The following CLN6 variants were observed in gnomAD, a reference collection of about 807,000 sequenced individuals.
CLN6 encodes the protein CLN6 transmembrane ER protein.
In CLN6, 22 loss-of-function variants were observed where a neutral mutation model predicts 33.3. The ratio of observed to expected loss-of-function variants is 0.66; its 90% CI spans 0.47 to 0.94. The LOEUF (loss-of-function observed/expected upper bound fraction) is 0.94. Among genes scored for constraint, CLN6 ranks in the 40% least tolerant of loss-of-function variants. The probability of loss-of-function intolerance (pLI) is 0.00; values close to 1 mark genes in which losing one functional copy is unlikely to be tolerated. For missense variants in CLN6, 387 were observed against 417.1 expected, an observed-to-expected ratio of 0.93 and a Z score of 0.63; for synonymous variants, 201 against 174.6, an observed-to-expected ratio of 1.15 and a Z score of -1.19.
upstream of CLN6, among the ~76,000 whole-genome samples, chr15:68,231,229 G>A (rs566163849): frequency 4.6e-5 from 7 of 152,060 alleles, no homozygotes; most frequent in African/African-American, 1.7e-4. Flanking sequence ...CCCATCCTGG[G>A]CTCTAGCAGC....
rs1392629546 is a variant in CLN6 at position 68,247,418 on chromosome 15, AAAAC to A, written c.179+9268_179+9271del. On this transcript the variant is annotated intron_variant, in intron 1 of 6. Coordinates refer to the CLN6 transcript ENST00000538696. The surrounding 1 kb of genome is among the most constrained non-coding windows in gnomAD (Gnocchi z 4.2). ...GGCAATCCCATTTATAATAGCTGCA[AAAAC>A]AAACAAACAACAACAACAACAACAA... is the stretch of plus-strand genomic sequence containing the variant. 9.2e-5 allele frequency among the ~76,000 whole-genome samples: 14 copies of A among 152,268 alleles called. 1 individual carries two copies. In the South Asian group the frequency reaches 1.5e-3, roughly 16 times the overall value.
Position 68,211,148 on chromosome 15 carries a change from C to G in CLN6, c.542+115G>C. ...CACAGTGCCTTTACAGGGGATGAGA[C>G]TCAACACATGGAGACCCGCAGCCCA... On this transcript the variant is annotated intron_variant, in intron 5 of 6. Coordinates refer to ENST00000249806, the MANE Select transcript of CLN6 (RefSeq NM_017882.3). This position sits in a 1 kb window ranked among gnomAD's most constrained non-coding sequence, Gnocchi z 5.9. The G allele has an allele frequency of 1.1e-6, 1 of 908,416 alleles. No homozygotes were observed. The highest frequency in any genetic ancestry group is 1.9e-6 in the Non-Finnish European group (1 of 538,400). 56.3% of individuals were successfully genotyped at this position (908,416 alleles called of 1,614,324 possible). A position where few individuals can be genotyped will look rare whatever the true frequency, so the allele number is the denominator to read the frequency against.
Position 68,207,971 on chromosome 15 carries a change from A to G in CLN6, c.*169T>C, listed in dbSNP as rs2093192219. The G allele has an allele frequency of 5.1e-6, 3 of 583,242 alleles. No homozygotes were observed. In the African/African-American group the frequency reaches 7.5e-5, roughly 15 times the overall value. 36.1% of individuals were successfully genotyped at this position (583,242 alleles called of 1,614,324 possible). A position where few individuals can be genotyped will look rare whatever the true frequency, so the allele number is the denominator to read the frequency against. On this transcript the variant is annotated 3_prime_UTR_variant, in exon 7 of 7. Coordinates refer to ENST00000249806, the MANE Select transcript of CLN6 (RefSeq NM_017882.3). ...TGAAAATGATGCACTCTGCGCACAC[A>G]TATACAAGACACACACACACACACA...
chr15:68,230,199 CGT>C (rs2093266005), upstream of CLN6, among the ~76,000 whole-genome samples: 2 of 151,964 alleles, frequency 1.3e-5, no homozygotes, highest in South Asian at 4.2e-4. This position sits in a 1 kb window ranked among gnomAD's most constrained non-coding sequence, Gnocchi z 4.0. Flanking sequence ...CATCTAGAGT[CGT>C]GTGAGAGGTA....
intron 1 of CLN6, among the ~76,000 whole-genome samples, chr15:68,237,839 T>C (rs1392207676): frequency 6.6e-6 from 1 of 152,148 alleles, no homozygotes; most frequent in Non-Finnish European, 1.5e-5. Context: ...AAGAAGTGCC[T>C]CACAGCCTGG....
intron 2 of CLN6, chr15:68,218,030 C>T (rs951241677): frequency 6.1e-6 from 1 of 164,590 alleles, no homozygotes; most frequent in African/African-American, 2.4e-5. Context: ...CCTTGGAAGG[C>T]AGGGGATGGT....
intron 1 of CLN6, among the ~76,000 whole-genome samples, chr15:68,226,411 A>C (rs955857046): frequency 1.3e-5 from 2 of 152,054 alleles, no homozygotes; most frequent in African/African-American, 4.8e-5. Flanking sequence ...AAGTCACTTA[A>C]CTTCTTGGGC....
chr15:68,215,188 TTC>T (rs761312467), intron 2 of CLN6: 1 of 152,286 alleles, frequency 6.6e-6, no homozygotes, highest in Non-Finnish European at 1.5e-5. Context: ...ATTTAGATGG[TTC>T]TCTCTTTTAA....
chr15:68,217,718 CGTCAGGCAACT>C (rs889183534), intron 2 of CLN6, among the ~76,000 whole-genome samples: 2 of 152,088 alleles, frequency 1.3e-5, no homozygotes, highest in Non-Finnish European at 2.9e-5. Context: ...GACTGTGGCC[CGTCAGGCAACT>C]GTCAGCAAGT....
At chr15:68,233,597 A>G (rs943450716), upstream of CLN6, among the ~76,000 whole-genome samples, 15 of 152,124 alleles carry the variant, frequency 9.9e-5, no homozygotes, top group Non-Finnish European at 1.5e-4. This position sits in a 1 kb window ranked among gnomAD's most constrained non-coding sequence, Gnocchi z 4.3. Flanking sequence ...ATCTTCCCAC[A>G]CTGCCCTGCC....
Position 68,210,477 on chromosome 15 carries a change from G to C in CLN6, c.543-718C>G, listed in dbSNP as rs768394308. Among the ~76,000 whole-genome samples the C allele has an allele frequency of 6.6e-6, 1 of 152,180 alleles. No homozygotes were observed. The highest frequency in any genetic ancestry group is 1.9e-4 in the East Asian group (1 of 5,180). ...CAGCTGAGCCAGGAGGATTGACATC[G>C]CAGGGCCCGAAACACCCTGGAAATG... On this transcript the variant is annotated intron_variant, in intron 5 of 6. Coordinates refer to ENST00000249806, the MANE Select transcript of CLN6 (RefSeq NM_017882.3). The surrounding 1 kb of genome is among the most constrained non-coding windows in gnomAD (Gnocchi z 5.6).
Position 68,229,596 on chromosome 15 carries a change from A to G in CLN6, c.-12T>C, listed in dbSNP as rs2141156314. 5 of 1,459,988 alleles carry G rather than the reference A, an allele frequency of 3.4e-6. No individual in the cohort carries two copies. The highest frequency in any genetic ancestry group is 4.5e-6 in the Non-Finnish European group (5 of 1,109,766). The allele number at this position is 1,459,988 out of a possible 1,614,324, so 90.4% of individuals were successfully genotyped here. A position where few individuals can be genotyped will look rare whatever the true frequency, so the allele number is the denominator to read the frequency against. On this transcript the variant is annotated 5_prime_UTR_variant, in exon 1 of 7. Coordinates refer to ENST00000249806, the MANE Select transcript of CLN6 (RefSeq NM_017882.3). ...CGCGTCGCCTCCATGGCTGCCCCGCAGGCCCCTCGGCCCTGCCTTTCCGAG... is the reference window on the plus strand; with the variant it reads ...CGCGTCGCCTCCATGGCTGCCCCGCGGGCCCCTCGGCCCTGCCTTTCCGAG...
In CLN6 at chr15:68,209,586, C is replaced by A. The variant is rs754840008; in HGVS notation, c.665+51G>T. 3 of 1,607,058 alleles carry A rather than the reference C, an allele frequency of 1.9e-6. No homozygotes were observed. Among genetic ancestry groups the A allele is most frequent in the Admixed American group, 3.3e-5 (2 of 59,950 alleles). On this transcript the variant is annotated intron_variant, in intron 6 of 6. Coordinates refer to ENST00000249806, the MANE Select transcript of CLN6 (RefSeq NM_017882.3). The surrounding 1 kb of genome is among the most constrained non-coding windows in gnomAD (Gnocchi z 4.9). ...ATTGGCAAGTGCAGAATTTTGCTGCCGTGGCTCTCTCAGTGCCCCTGCCTC... is the reference window on the plus strand; with the variant it reads ...ATTGGCAAGTGCAGAATTTTGCTGCAGTGGCTCTCTCAGTGCCCCTGCCTC...
rs1370225099 is a variant in CLN6 at position 68,207,216 on chromosome 15, A to C, written c.*924T>G. ...AGCCTCTGGGCCCAGCACCTTGTAA[A>C]GGCTTTGATGAGAGGAGCTCTGGCT... On this transcript the variant is annotated 3_prime_UTR_variant, in exon 7 of 7. Coordinates refer to ENST00000249806, the MANE Select transcript of CLN6 (RefSeq NM_017882.3). The C allele has an allele frequency of 6.6e-6, 1 of 152,268 alleles. No individual in the cohort carries two copies. Among genetic ancestry groups the C allele is most frequent in the Non-Finnish European group, 1.5e-5 (1 of 68,118 alleles). The allele number at this position is 152,268 out of a possible 1,614,324, so 9.4% of individuals were successfully genotyped here.
intron 1 of CLN6, among the ~76,000 whole-genome samples, chr15:68,223,195 A>C (rs142008947): frequency 6.6e-6 from 1 of 152,020 alleles, no homozygotes; most frequent in East Asian, 1.9e-4. Flanking sequence ...GAGGGAAGGG[A>C]GCCTCAAAGC....
At chr15:68,214,586 G>C in intron 2 of CLN6, 198 bp from the exon 3 acceptor site, 1 of 569,346 alleles carries the variant, frequency 1.8e-6, no homozygotes, top group Non-Finnish European at 3.3e-6. Context: ...GGAAAGCTGA[G>C]TCCCAGAGGA....
intron 3 of CLN6, chr15:68,212,509 T>C (rs1262878683): frequency 1.3e-5 from 2 of 153,178 alleles, no homozygotes; most frequent in Admixed American, 1.3e-4. Context: ...CAATGAGATA[T>C]CTTGGGAATG....
chr15:68,208,046 G>T lies in CLN6; in HGVS notation c.*94C>A. 5 of 1,398,930 alleles carry T rather than the reference G, an allele frequency of 3.6e-6. No individual in the cohort carries two copies. The highest frequency in any genetic ancestry group is 4.9e-6 in the Non-Finnish European group (5 of 1,016,570). 86.7% of individuals were successfully genotyped at this position (1,398,930 alleles called of 1,614,324 possible). On this transcript the variant is annotated 3_prime_UTR_variant, in exon 7 of 7. Transcript: ENST00000249806. The surrounding 1 kb of genome is among the most constrained non-coding windows in gnomAD (Gnocchi z 5.8). ...ACCCCACTCATGCTCTCGGTCTCTG[G>T]TTACACACCCACACCCCCCCTACTC...
rs563181521 is a variant in CLN6, at chr15:68,209,169, C to A, written c.665+468G>T. ...GAAGCCCCTACGCCATGAAACCCCCCAGTCTGGCCTCGCCATAGTGCTTTA... is the reference window on the plus strand; with the variant it reads ...GAAGCCCCTACGCCATGAAACCCCCAAGTCTGGCCTCGCCATAGTGCTTTA... On this transcript the variant is annotated intron_variant, in intron 6 of 6. Coordinates refer to ENST00000249806, the MANE Select transcript of CLN6 (RefSeq NM_017882.3). The surrounding 1 kb of genome is among the most constrained non-coding windows in gnomAD (Gnocchi z 4.9). Among the ~76,000 whole-genome samples, 2 of 152,208 alleles carry A rather than the reference C, an allele frequency of 1.3e-5. No individual in the cohort carries two copies. The highest frequency in any genetic ancestry group is 2.9e-5 in the Non-Finnish European group (2 of 68,028).
Sources: gnomAD v4.1 joint callset for allele counts (sites outside exome capture counted in the v4.1 genomes callset) on GRCh38, gnomAD v4.1.1 for gene constraint, Gnocchi (gnomAD v3.1) non-coding constraint, MANE v1.5 for transcripts, NCBI Gene and HGNC (gene_info 2026-07-23, HGNC 2026-07-21) for gene names.